Variants in TULP1 observed in about 807,000 individuals in gnomAD.
TULP1 encodes the protein TUB like protein 1.
Under a neutral mutation model 67.1 loss-of-function variants are expected in TULP1, and 50 were observed. The observed-to-expected ratio is 0.75, with a 90% confidence interval of 0.59 to 0.94. The LOEUF (loss-of-function observed/expected upper bound fraction) is 0.94. Ranked by LOEUF, TULP1 falls within the 40% of genes least tolerant of loss-of-function variation. TULP1 has a pLI of 0.00. For missense variants in TULP1, 746 were observed against 734.1 expected (o/e 1.02, Z -0.19); for synonymous variants, 297 against 294.0 (o/e 1.01, Z -0.11).
intron 3 of TULP1, 55 bp downstream of exon 3, chr6:35,512,125 C>T: frequency 8.4e-7 from 1 of 1,187,572 alleles, no homozygotes. Context: ...CCTCAAGCCC[C>T]TCCCTTCCGC....
intron 13 of TULP1, among the ~76,000 whole-genome samples, chr6:35,501,509 G>GA (rs67875217): frequency 0.016 from 1,421 of 88,768 alleles, 88 homozygotes; most frequent in Middle Eastern, 0.064. Context: ...CTCGGTCTCA[G>GA]AAAAAAAAAA....
rs1462729876 is a variant in TULP1, at chr6:35,512,696, G to A, written c.48-6C>T. 5.0e-6 allele frequency: 8 copies of A among 1,613,812 alleles called. No individual in the cohort carries two copies. In the African/African-American group the frequency reaches 9.3e-5, roughly 19 times the overall value. The stretch of plus-strand genomic sequence containing the variant: ...GGCTTTCTTCTTCATGCCCACTGAG[G>A]GTAGCAAAGGGATCAGCCTGTCTCC... On this transcript the variant is annotated splice_region_variant and splice_polypyrimidine_tract_variant and intron_variant, in intron 1 of 14. Transcript: ENST00000229771.
At position 35,503,321 on chromosome 6, in the gene TULP1, A is replaced by C. The variant is rs539342618; in HGVS notation, c.1323+238T>G. ...TGGCACTCAATATGTGTGGTCAATG[A>C]AGATATGAATGGATGTAATATATGA... On this transcript the variant is annotated intron_variant, in intron 13 of 14. Transcript: ENST00000229771. The surrounding 1 kb of genome is among the most constrained non-coding windows in gnomAD (Gnocchi z 4.0). 99 of 542,662 alleles carry C rather than the reference A, an allele frequency of 1.8e-4. No individual in the cohort carries two copies. The African/African-American group carries it at 1.8e-3, about 10-fold the overall frequency. The allele number at this position is 542,662 out of a possible 1,614,324, so 33.6% of individuals were successfully genotyped here. A position where few individuals can be genotyped will look rare whatever the true frequency, so the allele number is the denominator to read the frequency against.
chr6:35,511,909 C>A, intron 3 of TULP1, 103 bp from the exon 4 acceptor site: 1 of 1,293,050 alleles, frequency 7.7e-7, no homozygotes, highest in African/African-American at 1.5e-5. Flanking sequence ...TCGGGCTCCT[C>A]ACCCTAGGGA....
At chr6:35,500,778 A>G (rs1768825003) in intron 13 of TULP1, among the ~76,000 whole-genome samples, 1 of 152,102 alleles carries the variant, frequency 6.6e-6, no homozygotes, top group African/African-American at 2.4e-5. Flanking sequence ...CTGCACTGTA[A>G]TTGGCAAAAG....
In TULP1 at chr6:35,498,607, C is replaced by T. The variant is rs1249332645; in HGVS notation, c.1496-147G>A. 1.3e-5 allele frequency: 16 copies of T among 1,225,582 alleles called. No individual in the cohort carries two copies. The highest frequency in any genetic ancestry group is 1.8e-5 in the Non-Finnish European group (16 of 883,730). 75.9% of individuals were successfully genotyped at this position (1,225,582 alleles called of 1,614,324 possible). A position where few individuals can be genotyped will look rare whatever the true frequency, so the allele number is the denominator to read the frequency against. ...CATCTCAGTTACTCAACACCCATCC[C>T]TTCTTCTATCTCACTCCACACCAGC... is the stretch of plus-strand genomic sequence containing the variant. On this transcript the variant is annotated intron_variant, in intron 14 of 14. Transcript: ENST00000229771. This position sits in a 1 kb window ranked among gnomAD's most constrained non-coding sequence, Gnocchi z 6.7.
At position 35,503,465 on chromosome 6, in the gene TULP1, T is replaced by C. The variant is rs1398450948; in HGVS notation, c.1323+94A>G. On this transcript the variant is annotated intron_variant, in intron 13 of 14. Coordinates refer to ENST00000229771, the MANE Select transcript of TULP1 (RefSeq NM_003322.6). This position sits in a 1 kb window ranked among gnomAD's most constrained non-coding sequence, Gnocchi z 4.0. Reference sequence around the variant, plus strand: ...AGAATGAATTTGTGTTGGAGGGTGATGGATGTGCTCAGGGAGTTGGCTATT... The same window carrying C: ...AGAATGAATTTGTGTTGGAGGGTGACGGATGTGCTCAGGGAGTTGGCTATT... The C allele has an allele frequency of 2.4e-6, 3 of 1,256,320 alleles. No individual in the cohort carries two copies. The highest frequency in any genetic ancestry group is 3.4e-6 in the Non-Finnish European group (3 of 886,470). The allele number at this position is 1,256,320 out of a possible 1,614,324, so 77.8% of individuals were successfully genotyped here.
rs1417443692 is a variant in TULP1 at position 35,503,652 on chromosome 6, G to C, written c.1230C>G (p.Thr410=). Residue 410 remains threonine, a synonymous_variant, in exon 13 of 15, where the codon ACC becomes ACG. Coordinates refer to ENST00000229771, the MANE Select transcript of TULP1 (RefSeq NM_003322.6). This position sits in a 1 kb window ranked among gnomAD's most constrained non-coding sequence, Gnocchi z 4.0. ...GGGGGCCACGGAAGCCCAGCACGTT[G>C]GTTTCCTGGGAAGGAAACAGATGCC... ...RQELAAVIYE[T]NVLGFRGPRR... is the part of the protein sequence containing the mutation. The C allele has an allele frequency of 2.5e-6, 4 of 1,599,034 alleles. No individual in the cohort carries two copies. Among genetic ancestry groups the C allele is most frequent in the Non-Finnish European group, 1.7e-6 (2 of 1,173,144 alleles).
At chr6:35,505,393 G>C (rs1454983897) in intron 11 of TULP1, 2 of 400,280 alleles carry the variant, frequency 5.0e-6, no homozygotes, top group Admixed American at 3.4e-5. Context: ...TTGTTGAGTA[G>C]CTAATATGTG....
At position 35,506,151 on chromosome 6, in the gene TULP1, G is replaced by A. The variant is rs1160503264; in HGVS notation, c.851C>T (p.Pro284Leu). 1.2e-6 allele frequency: 2 copies of A among 1,613,602 alleles called. No homozygotes were observed. Among genetic ancestry groups the A allele is most frequent in the Non-Finnish European group, 1.7e-6 (2 of 1,179,912 alleles). ...CCGGGGTTCGTCCACCTCCACGGGG[G>A]GAGACGGGGCCCTCTCCTCCTTCTG... ...KKAKEERAPS[P>L]PVEVDEPREF... is the part of the protein sequence containing the mutation. Residue 284 changes from proline to leucine, a missense_variant, in exon 10 of 15, where the codon CCC becomes CTC. Coordinates refer to ENST00000229771, the MANE Select transcript of TULP1 (RefSeq NM_003322.6).
At position 35,506,269 on chromosome 6, in the gene TULP1, C is replaced by A. The variant is rs2150925629; in HGVS notation, c.828+5G>T. 1 of 1,586,764 alleles carries A rather than the reference C, an allele frequency of 6.3e-7. No individual in the cohort carries two copies. On this transcript the variant is annotated splice_donor_5th_base_variant and intron_variant, in intron 9 of 14. Transcript: ENST00000229771. The stretch of plus-strand genomic sequence containing the variant: ...AGACACGGGCAGCCCGGCAGGACAA[C>A]TCACCGCTTTCTGTGTGCGGAGAGA...
intron 9 of TULP1, 29 bp from the exon 10 acceptor site, chr6:35,506,202 C>T: frequency 6.2e-7 from 1 of 1,612,856 alleles, no homozygotes; most frequent in Non-Finnish European, 8.5e-7. Flanking sequence ...TACATCAGCC[C>T]CAGAGCACCA....
Position 35,512,633 on chromosome 6 carries a change from G to T in TULP1, c.99+6C>A. The T allele has an allele frequency of 6.2e-7, 1 of 1,613,854 alleles. No individual in the cohort carries two copies. Among genetic ancestry groups the T allele is most frequent in the Non-Finnish European group, 8.5e-7 (1 of 1,179,958 alleles). On this transcript the variant is annotated splice_donor_region_variant and intron_variant, in intron 2 of 14. Coordinates refer to ENST00000229771, the MANE Select transcript of TULP1 (RefSeq NM_003322.6). ...TTCTGCTTCCTTTCCAAGTGGGGTG[G>T]CATACCTGTTTGGGGCGCCGCGGGG...
chr6:35,507,926 T>C (rs1761117162), intron 8 of TULP1, among the ~76,000 whole-genome samples: 1 of 152,360 alleles, frequency 6.6e-6, no homozygotes, highest in African/African-American at 2.4e-5. Context: ...GTGATTCTCC[T>C]GCCTCATCCT....
In TULP1 at chr6:35,503,824, G is replaced by A. The variant is rs1761025418; in HGVS notation, c.1137C>T (p.Phe379=). The A allele has an allele frequency of 6.2e-7, 1 of 1,611,596 alleles. No individual in the cohort carries two copies. The highest frequency in any genetic ancestry group is 2.2e-5 in the East Asian group (1 of 44,844). ...KLRSNLLGNR[F]TVFDNGQNPQ... is the part of the protein sequence containing the mutation. ...GGTTCTGCCCGTTGTCAAAGACCGT[G>A]AAGCGGTTCCCCAGGAGGTTGGACC... Residue 379 remains phenylalanine, a synonymous_variant, in exon 12 of 15, where the codon TTC becomes TTT. Transcript: ENST00000229771. The surrounding 1 kb of genome is among the most constrained non-coding windows in gnomAD (Gnocchi z 4.0).
chr6:35,509,401 C>T (rs1761151070), intron 7 of TULP1, 89 bp from the exon 8 acceptor site: 3 of 1,298,750 alleles, frequency 2.3e-6, no homozygotes, highest in Middle Eastern at 1.8e-4. Context: ...GGATGCTCCC[C>T]ACAACCACAA....
At chr6:35,510,637 C>G in intron 5 of TULP1, 2 of 880,102 alleles carry the variant, frequency 2.3e-6, no homozygotes, top group Non-Finnish European at 3.4e-6. Flanking sequence ...CTCTGCCTCA[C>G]AGAGCTCAAG....
At position 35,503,839 on chromosome 6, in the gene TULP1, G is replaced by A. The variant is rs1439426461; in HGVS notation, c.1122C>T (p.Leu374=). 1 of 1,608,834 alleles carries A rather than the reference G, an allele frequency of 6.2e-7. No homozygotes were observed. The part of the protein sequence containing the change: ...ENFIGKLRSN[L]LGNRFTVFDN... Reference sequence around the variant, plus strand: ...CAAAGACCGTGAAGCGGTTCCCCAGGAGGTTGGACCTGCAAGCAGGGTAGA... The same window carrying A: ...CAAAGACCGTGAAGCGGTTCCCCAGAAGGTTGGACCTGCAAGCAGGGTAGA... Residue 374 remains leucine, a synonymous_variant, in exon 12 of 15, where the codon CTC becomes CTT. Coordinates refer to ENST00000229771, the MANE Select transcript of TULP1 (RefSeq NM_003322.6). This position sits in a 1 kb window ranked among gnomAD's most constrained non-coding sequence, Gnocchi z 4.0.
In TULP1 at chr6:35,509,324, G is replaced by A; in HGVS notation, c.719-12C>T. On this transcript the variant is annotated splice_polypyrimidine_tract_variant and intron_variant, in intron 7 of 14. Transcript: ENST00000229771. The stretch of plus-strand genomic sequence containing the variant: ...GCCTTTGGGAGTGCCTGAGCGTGGA[G>A]GGGGAAACAAGGCTGTGAACTCCTC... The A allele has an allele frequency of 6.2e-7, 1 of 1,613,216 alleles. No individual in the cohort carries two copies. Among genetic ancestry groups the A allele is most frequent in the South Asian group, 1.1e-5 (1 of 91,062 alleles).
Sources: gnomAD v4.1 joint callset for allele counts (sites outside exome capture counted in the v4.1 genomes callset) on GRCh38, gnomAD v4.1.1 for gene constraint, Gnocchi (gnomAD v3.1) non-coding constraint, MANE v1.5 for transcripts, NCBI Gene and HGNC (gene_info 2026-07-23, HGNC 2026-07-21) for gene names.